The following RIMS2 variants were observed in gnomAD, a reference collection of about 807,000 sequenced individuals.
The protein encoded by RIMS2 is regulating synaptic membrane exocytosis protein 2.
A neutral mutation model predicts 174.4 loss-of-function variants in RIMS2; 59 were observed. The observed-to-expected ratio is 0.34, with a 90% CI of 0.27 to 0.42. The LOEUF (loss-of-function observed/expected upper bound fraction) is 0.42, where lower values mean the gene tolerates loss of function less well. Ranked by LOEUF, RIMS2 falls within the 10% of genes least tolerant of loss-of-function variation. RIMS2 has a pLI of 1.00. For missense variants in RIMS2, 1,620 were observed against 1,666.3 expected (o/e 0.97, Z 0.48); for synonymous variants, 606 against 572.5 (o/e 1.06, Z -0.84).
intron 1 of RIMS2, among the ~76,000 whole-genome samples, chr8:103,647,574 G>T (rs1170258222): frequency 6.6e-6 from 1 of 152,060 alleles, no homozygotes; most frequent in Non-Finnish European, 1.5e-5. Flanking sequence ...GGGTTGGTAG[G>T]CTATCTATTA....
chr8:103,601,630 G>T (rs2094748881), intron 1 of RIMS2, among the ~76,000 whole-genome samples: 1 of 151,774 alleles, frequency 6.6e-6, no homozygotes, highest in Non-Finnish European at 1.5e-5. Context: ...GCCACTCTGT[G>T]TCTTTTGATT....
exon 4 of RIMS2, chr8:103,885,828 A>C (rs2099197610): frequency 3.7e-6 from 6 of 1,612,976 alleles, no homozygotes; most frequent in Non-Finnish European, 5.1e-6. Context: ...CAGCGATCTT[A>C]TTCAATGGAA....
rs368506392 is a variant in RIMS2 at position 104,157,095 on chromosome 8, C to T, written c.3335-87821C>T. Among the ~76,000 whole-genome samples the T allele has an allele frequency of 3.8e-4, 58 of 152,168 alleles. No individual in the cohort carries two copies. The South Asian group carries it at 0.012, about 32-fold the overall frequency. On this transcript the variant is annotated intron_variant, in intron 19 of 23. Transcript: ENST00000504942. Reference sequence around the variant, plus strand: ...TTAAAATTATAACAGTGTTTTAGCCCTTATAATATTATCCTTCATTATTTA... The same window carrying T: ...TTAAAATTATAACAGTGTTTTAGCCTTTATAATATTATCCTTCATTATTTA...
intron 2 of RIMS2, among the ~76,000 whole-genome samples, chr8:103,755,983 C>T (rs370610804): frequency 1.1e-4 from 17 of 152,174 alleles, no homozygotes; most frequent in African/African-American, 3.9e-4. Context: ...CGAGGGGCTG[C>T]AATCCCTTGG....
chr8:103,898,266 T>C (rs2099302551), intron 4 of RIMS2, among the ~76,000 whole-genome samples: 1 of 151,664 alleles, frequency 6.6e-6, no homozygotes, highest in Non-Finnish European at 1.5e-5. Flanking sequence ...AATGTCCCTA[T>C]GGTCTCAGTC....
intron 1 of RIMS2, among the ~76,000 whole-genome samples, chr8:103,503,118 A>G (rs1005876651): frequency 1.3e-5 from 2 of 151,980 alleles, no homozygotes; most frequent in African/African-American, 4.8e-5. Context: ...GATGAAAAAT[A>G]TATATTCAGA....
At chr8:103,753,471 T>A (rs1011549347) in intron 2 of RIMS2, among the ~76,000 whole-genome samples, 27 of 152,174 alleles carry the variant, frequency 1.8e-4, no homozygotes, top group African/African-American at 6.5e-4. Context: ...GGGGGAGGAT[T>A]CCCTCTTTTT....
At chr8:103,947,499 C>T (rs974154123) in intron 14 of RIMS2, among the ~76,000 whole-genome samples, 1 of 152,074 alleles carries the variant, frequency 6.6e-6, no homozygotes, top group Non-Finnish European at 1.5e-5. Flanking sequence ...CAAACCTGTA[C>T]GAGCATGTTA....
intron 4 of RIMS2, among the ~76,000 whole-genome samples, chr8:103,907,949 C>G (rs1453075717): frequency 1.3e-5 from 2 of 151,262 alleles, no homozygotes; most frequent in Non-Finnish European, 2.9e-5. Flanking sequence ...GGGGTTTCAC[C>G]GTGTTAGCCA....
At chr8:103,914,346 C>A (rs1311917693) in intron 6 of RIMS2, among the ~76,000 whole-genome samples, 6 of 152,104 alleles carry the variant, frequency 3.9e-5, no homozygotes, top group African/African-American at 1.4e-4. Context: ...TGAAACCGGA[C>A]AAATAAACTT....
At chr8:104,227,167 A>G (rs1435191997) in intron 19 of RIMS2, among the ~76,000 whole-genome samples, 1 of 147,764 alleles carries the variant, frequency 6.8e-6, no homozygotes, top group African/African-American at 2.5e-5. Context: ...ATAAATTAAG[A>G]TTGTCGATGG....
chr8:103,608,464 C>G (rs2095232673), intron 1 of RIMS2, among the ~76,000 whole-genome samples: 1 of 144,320 alleles, frequency 6.9e-6, no homozygotes, highest in Admixed American at 6.7e-5. Context: ...TGCCCTGCCC[C>G]CAGAGGTGGA....
chr8:103,726,743 A>G (rs183121674), intron 2 of RIMS2, among the ~76,000 whole-genome samples: 1 of 147,742 alleles, frequency 6.8e-6, no homozygotes. Flanking sequence ...ATATATATAT[A>G]TATTTTTGAG....
chr8:103,615,806 C>T (rs1005416630), intron 1 of RIMS2, among the ~76,000 whole-genome samples: 7 of 152,132 alleles, frequency 4.6e-5, no homozygotes, highest in African/African-American at 1.7e-4. Flanking sequence ...CATACACCCT[C>T]CGAAGACTGA....
At chr8:103,663,208 C>T (rs780493901) in intron 1 of RIMS2, among the ~76,000 whole-genome samples, 5 of 151,904 alleles carry the variant, frequency 3.3e-5, no homozygotes, top group Non-Finnish European at 2.9e-5. Context: ...GGAAAAGACT[C>T]TCTTAATTTA....
chr8:103,731,501 G>A (rs2097594461), intron 2 of RIMS2, among the ~76,000 whole-genome samples: 1 of 152,054 alleles, frequency 6.6e-6, no homozygotes, highest in Admixed American at 6.5e-5. Flanking sequence ...TGTAGGTATA[G>A]GAAGTTCTTT....
intron 1 of RIMS2, among the ~76,000 whole-genome samples, chr8:103,581,888 G>A (rs184508298): frequency 5.1e-4 from 77 of 152,246 alleles, no homozygotes; most frequent in African/African-American, 1.6e-3. Flanking sequence ...TCCTAGTACC[G>A]AACTAGGCCG....
chr8:103,962,309 TA>T (rs2090394361), intron 15 of RIMS2, among the ~76,000 whole-genome samples: 1 of 152,194 alleles, frequency 6.6e-6, no homozygotes, highest in African/African-American at 2.4e-5. Flanking sequence ...AAAAGTTGTA[TA>T]TTTTTTCATT....
At chr8:103,689,666 G>A (rs947971898) in intron 1 of RIMS2, among the ~76,000 whole-genome samples, 9 of 152,044 alleles carry the variant, frequency 5.9e-5, no homozygotes, top group Non-Finnish European at 1.3e-4. Flanking sequence ...TCTGATACAA[G>A]TATAGTTACT....
Sources: allele counts gnomAD v4.1 joint callset (sites outside exome capture counted in the v4.1 genomes callset), GRCh38; gene constraint gnomAD v4.1.1; transcripts MANE v1.5; gene names NCBI Gene and HGNC (gene_info 2026-07-23, HGNC 2026-07-21).